TIAM2: variants seen among roughly 807,000 people sequenced by gnomAD.
The protein encoded by TIAM2 is rho guanine nucleotide exchange factor TIAM2.
In TIAM2, 80 loss-of-function variants were observed where a neutral mutation model predicts 152.9. The ratio of observed to expected loss-of-function variants is 0.52; its 90% CI spans 0.44 to 0.63. The LOEUF (loss-of-function observed/expected upper bound fraction) is 0.63, where lower values mean the gene tolerates loss of function less well. Among genes scored for constraint, TIAM2 ranks in the 30% least tolerant of loss-of-function variants. The pLI is 0.00. For synonymous variants in TIAM2, 804 were observed against 838.0 expected (o/e 0.96, Z 0.70); for missense variants, 1,965 against 2,120.1 (o/e 0.93, Z 1.44).
chr6:155,019,925 C>T lies in TIAM2; in HGVS notation c.-209+24433C>T, dbSNP rs111618472. Among the ~76,000 whole-genome samples the T allele has an allele frequency of 1.7e-3, 252 of 152,140 alleles. 2 individuals are homozygous for T. Among genetic ancestry groups the T allele is most frequent in the African/African-American group, 5.4e-3 (225 of 41,498 alleles). ...AAAATTAGCCAGGCGTGGTGCTGGG[C>T]GCCTGTAGTCCCGGCTACTTGGGAG... On this transcript the variant is annotated intron_variant, in intron 1 of 26. Coordinates refer to ENST00000682666, the MANE Select transcript of TIAM2 (RefSeq NM_012454.4).
intron 13 of TIAM2, 29 bp downstream of exon 13, chr6:155,182,347 C>T: frequency 6.3e-7 from 1 of 1,579,042 alleles, no homozygotes; most frequent in Non-Finnish European, 8.7e-7. Flanking sequence ...GCCCCTGTTG[C>T]CTCTTAATTT....
chr6:155,052,504 A>G (rs530313064), intron 1 of TIAM2, among the ~76,000 whole-genome samples: 3 of 152,224 alleles, frequency 2.0e-5, no homozygotes, highest in Admixed American at 2.0e-4. Context: ...GGTGGCTCAC[A>G]CCTGTAATCC....
In TIAM2 at chr6:155,179,361, G is replaced by C. The variant is rs1780837703; in HGVS notation, c.2629-17G>C. 6.2e-7 allele frequency: 1 copy of C among 1,612,748 alleles called. No homozygotes were observed. On this transcript the variant is annotated splice_polypyrimidine_tract_variant and intron_variant, in intron 11 of 26. Coordinates refer to ENST00000682666, the MANE Select transcript of TIAM2 (RefSeq NM_012454.4). ...TAACATGAGATCCTCTGATTTTGTT[G>C]TTTTCACCTTTTGCAGGTTTATGAT...
At chr6:155,044,851 A>G (rs890778377) in intron 1 of TIAM2, among the ~76,000 whole-genome samples, 1 of 151,428 alleles carries the variant, frequency 6.6e-6, no homozygotes, top group Non-Finnish European at 1.5e-5. Flanking sequence ...AGCTCATCTT[A>G]TGTCTCCGAA....
At chr6:155,165,824 A>T (rs1323841197) in intron 9 of TIAM2, among the ~76,000 whole-genome samples, 2 of 150,922 alleles carry the variant, frequency 1.3e-5, no homozygotes, top group Non-Finnish European at 3.0e-5. Context: ...ATTCAAAGGA[A>T]TCAACTCTTA....
rs1273494271 is a variant in TIAM2 at position 155,256,998 on chromosome 6, T to A, written c.4983T>A (p.Ser1661Arg). 6.2e-6 allele frequency: 10 copies of A among 1,614,142 alleles called. No individual in the cohort carries two copies. The highest frequency in any genetic ancestry group is 1.3e-5 in the African/African-American group (1 of 75,036). The change falls in exon 27 of 27, where the codon AGT becomes AGA. Residue 1661 changes from serine to arginine, a missense_variant. Around this residue, in one of 3 missense-constraint regions of TIAM2, gnomAD observed 935 missense variants for 980.0 expected, o/e 0.95. Coordinates refer to ENST00000682666, the MANE Select transcript of TIAM2 (RefSeq NM_012454.4). The part of the protein sequence containing the change: ...KAQIRHQSLD[S>R]QSENATIDLN... ...AGATCCGTCACCAGTCCCTTGACAGTCAGTCTGAAAATGCCACCATCGACC... is the reference window on the plus strand; with the variant it reads ...AGATCCGTCACCAGTCCCTTGACAGACAGTCTGAAAATGCCACCATCGACC...
chr6:155,254,274 C>A lies in TIAM2; in HGVS notation c.4314-145C>A. ...TGATCAATTCTCACCTCCTTCTGTA[C>A]GGGAGGCCACATGGCACTGCTGCTG... is the stretch of plus-strand genomic sequence containing the variant. On this transcript the variant is annotated intron_variant, in intron 25 of 26. Transcript: ENST00000682666. The A allele has an allele frequency of 4.5e-6, 5 of 1,099,614 alleles. No individual in the cohort carries two copies. Among genetic ancestry groups the A allele is most frequent in the Non-Finnish European group, 6.5e-6 (5 of 764,148 alleles). 68.1% of individuals were successfully genotyped at this position (1,099,614 alleles called of 1,614,324 possible).
At chr6:155,200,661 T>A (rs1468100473) in intron 14 of TIAM2, among the ~76,000 whole-genome samples, 1 of 152,092 alleles carries the variant, frequency 6.6e-6, no homozygotes, top group African/African-American at 2.4e-5. Flanking sequence ...TCCCAGCACT[T>A]TGGGAGGCTG....
intron 1 of TIAM2, among the ~76,000 whole-genome samples, chr6:155,006,338 C>T (rs143014173): frequency 1.8e-4 from 27 of 152,050 alleles, no homozygotes; most frequent in Non-Finnish European, 3.5e-4. Flanking sequence ...GGCAGAGCTG[C>T]AGTAACACCC....
Position 155,148,117 on chromosome 6 carries a change from G to A in TIAM2, c.1811G>A (p.Ser604Asn). 6.2e-7 allele frequency: 1 copy of A among 1,613,912 alleles called. No homozygotes were observed. The highest frequency in any genetic ancestry group is 2.2e-5 in the East Asian group (1 of 44,876). Residue 604 changes from serine (S) to asparagine (N), a missense_variant, in exon 7 of 27, where the codon AGC becomes AAC. Ser to Asn is a conservative substitution (Grantham distance 46). This residue lies in a region of TIAM2 where 1,025 missense variants were observed against 1,119.4 expected (regional missense o/e 0.92). Transcript: ENST00000682666. ...CTCCCTCCCTGTGTGTAGGCCACCAGCCAGACAGATCTAGAAAACTGGGTC... is the reference window on the plus strand; with the variant it reads ...CTCCCTCCCTGTGTGTAGGCCACCAACCAGACAGATCTAGAAAACTGGGTC... ...FGDVYLFQAT[S>N]QTDLENWVTA...
chr6:155,088,626 G>A (rs1426590727), intron 1 of TIAM2, among the ~76,000 whole-genome samples: 4 of 152,000 alleles, frequency 2.6e-5, no homozygotes, highest in African/African-American at 9.7e-5. Flanking sequence ...AAATAACTGG[G>A]CTGAGCTCAC....
chr6:155,230,474 A>G (rs1782424617), intron 15 of TIAM2, among the ~76,000 whole-genome samples: 1 of 151,940 alleles, frequency 6.6e-6, no homozygotes, highest in South Asian at 2.1e-4. Context: ...AGGACCCCCC[A>G]CTTTCGGCAC....
intron 1 of TIAM2, among the ~76,000 whole-genome samples, chr6:155,048,372 C>A (rs986119185): frequency 6.6e-6 from 1 of 152,118 alleles, no homozygotes; most frequent in Non-Finnish European, 1.5e-5. Flanking sequence ...AAATTACAGG[C>A]GTGAGCCACC....
chr6:154,999,297 A>G (rs778167951), intron 1 of TIAM2, among the ~76,000 whole-genome samples: 16 of 151,928 alleles, frequency 1.1e-4, no homozygotes, highest in Non-Finnish European at 1.8e-4. Context: ...TGCAACCTCC[A>G]TCTCCTGAGT....
chr6:155,187,986 G>A (rs962113517), intron 14 of TIAM2, among the ~76,000 whole-genome samples: 3 of 152,198 alleles, frequency 2.0e-5, no homozygotes, highest in Admixed American at 6.5e-5. Context: ...GAGCACTCCC[G>A]CTGCCCCTTG....
chr6:155,042,452 C>T (rs562569265), intron 1 of TIAM2, among the ~76,000 whole-genome samples: 14 of 152,238 alleles, frequency 9.2e-5, no homozygotes, highest in African/African-American at 3.1e-4. Flanking sequence ...AAAAATTAGC[C>T]AGGCATGGTG....
chr6:155,104,212 G>A (rs934687887), intron 2 of TIAM2, among the ~76,000 whole-genome samples: 4 of 152,036 alleles, frequency 2.6e-5, no homozygotes, highest in Non-Finnish European at 5.9e-5. Flanking sequence ...GGCCAGCTCT[G>A]TGACCTTTTG....
At chr6:155,212,755 G>A (rs1781753777) in intron 15 of TIAM2, among the ~76,000 whole-genome samples, 1 of 152,158 alleles carries the variant, frequency 6.6e-6, no homozygotes, top group Non-Finnish European at 1.5e-5. Flanking sequence ...TCCCATGCCT[G>A]CCAAGAGTGA....
intron 1 of TIAM2, among the ~76,000 whole-genome samples, chr6:155,076,184 TG>T (rs1350266932): frequency 1.3e-5 from 2 of 151,980 alleles, no homozygotes; most frequent in African/African-American, 4.8e-5. Context: ...GCGTGAGGCA[TG>T]GGGGATGGAG....
Sources: allele counts gnomAD v4.1 joint callset (sites outside exome capture counted in the v4.1 genomes callset), GRCh38; gene constraint gnomAD v4.1.1; regional missense constraint gnomAD v4.1.1; transcripts MANE v1.5; gene names NCBI Gene and HGNC (gene_info 2026-07-23, HGNC 2026-07-21).